ARB2A: variants seen among roughly 807,000 people sequenced by gnomAD.
ARB2A encodes the protein cotranscriptional regulator ARB2A.
the ARB2A span, among the ~76,000 whole-genome samples, chr5:93,827,616 C>T: frequency 6.6e-6 from 1 of 151,900 alleles, no homozygotes; most frequent in East Asian, 1.9e-4. Context: ...TCCCATTTGT[C>T]AATTTTGGCT....
chr5:94,065,578 T>C, the ARB2A span, among the ~76,000 whole-genome samples: 1 of 152,106 alleles, frequency 6.6e-6, no homozygotes, highest in Non-Finnish European at 1.5e-5. Context: ...GGAGTAGCTA[T>C]ATTTATATCA....
chr5:93,921,026 T>C, the ARB2A span, among the ~76,000 whole-genome samples: 207 of 151,908 alleles, frequency 1.4e-3, no homozygotes, highest in South Asian at 2.5e-3. Context: ...CTGGAAGTGC[T>C]CCCAAGAAGC....
the ARB2A span, among the ~76,000 whole-genome samples, chr5:93,817,418 T>TAATCA: frequency 6.6e-6 from 1 of 152,196 alleles, no homozygotes; most frequent in African/African-American, 2.4e-5. Context: ...TTAACCTATT[T>TAATCA]AATCAATCCC....
At chr5:93,925,051 T>C in the ARB2A span, among the ~76,000 whole-genome samples, 1 of 152,092 alleles carries the variant, frequency 6.6e-6, no homozygotes, top group African/African-American at 2.4e-5. Context: ...CTGAAAATTT[T>C]CAAAATTTTC....
the ARB2A span, among the ~76,000 whole-genome samples, chr5:93,922,182 T>C: frequency 6.6e-6 from 1 of 152,146 alleles, no homozygotes; most frequent in Non-Finnish European, 1.5e-5. Context: ...CCTGAAGCAA[T>C]GAATTCCTGC....
chr5:93,971,007 T>C, the ARB2A span, among the ~76,000 whole-genome samples: 1 of 152,076 alleles, frequency 6.6e-6, no homozygotes, highest in African/African-American at 2.4e-5. Context: ...TTCGCTTTTT[T>C]TTTTAATTTG....
chr5:94,062,767 C>T, the ARB2A span, among the ~76,000 whole-genome samples: 1 of 152,162 alleles, frequency 6.6e-6, no homozygotes, highest in Non-Finnish European at 1.5e-5. Flanking sequence ...GCCAACAGCC[C>T]CACATCTCCA....
the ARB2A span, among the ~76,000 whole-genome samples, chr5:94,021,085 T>G: frequency 3.3e-5 from 5 of 152,172 alleles, no homozygotes; most frequent in South Asian, 1.0e-3. Context: ...TATTGGTCAC[T>G]AATTCAAACT....
the ARB2A span, among the ~76,000 whole-genome samples, chr5:93,841,175 G>A: frequency 9.9e-5 from 15 of 152,092 alleles, no homozygotes; most frequent in African/African-American, 3.6e-4. Flanking sequence ...ACTGTGACAT[G>A]TACTGATCTT....
At chr5:93,733,390 G>A in the ARB2A span, 1 of 151,822 alleles carries the variant, frequency 6.6e-6, no homozygotes, top group South Asian at 2.1e-4. Flanking sequence ...TAGTAGAGAT[G>A]GGTTTTTACC....
At chr5:93,817,279 G>A in the ARB2A span, among the ~76,000 whole-genome samples, 2 of 152,108 alleles carry the variant, frequency 1.3e-5, no homozygotes, top group Non-Finnish European at 1.5e-5. Context: ...AAATTTAAGA[G>A]GAGAAGCTTA....
chr5:93,904,173 C>T, the ARB2A span, among the ~76,000 whole-genome samples: 1 of 151,920 alleles, frequency 6.6e-6, no homozygotes, highest in Non-Finnish European at 1.5e-5. Context: ...CATTCATTCA[C>T]GTCAGGGCTA....
chr5:93,830,311 G>GTGTGTGTGTGTATA, the ARB2A span, among the ~76,000 whole-genome samples: 1 of 82,260 alleles, frequency 1.2e-5, no homozygotes, highest in African/African-American at 5.2e-5. Flanking sequence ...GTGTGTGTGT[G>GTGTGTGTGTGTATA]TATATATATA....
At chr5:93,970,234 C>T in the ARB2A span, among the ~76,000 whole-genome samples, 2 of 152,026 alleles carry the variant, frequency 1.3e-5, no homozygotes, top group South Asian at 2.1e-4. Flanking sequence ...CCATACATCA[C>T]CAGTCATACC....
At chr5:93,971,191 GAT>G in the ARB2A span, among the ~76,000 whole-genome samples, 1 of 151,910 alleles carries the variant, frequency 6.6e-6, no homozygotes, top group Admixed American at 6.6e-5. Context: ...GTAGAGACGG[GAT>G]TTCACCCTGT....
the ARB2A span, chr5:93,620,146 A>C: frequency 1.3e-5 from 2 of 152,204 alleles, no homozygotes; most frequent in Non-Finnish European, 2.9e-5. Context: ...TAAAAAGTAA[A>C]GTCAATCCCA....
At chr5:93,830,512 A>T in the ARB2A span, among the ~76,000 whole-genome samples, 1 of 151,596 alleles carries the variant, frequency 6.6e-6, no homozygotes, top group Admixed American at 6.6e-5. Flanking sequence ...ACCTCCTCTG[A>T]TCCTGTTGGA....
chr5:93,723,785 C>A, the ARB2A span, among the ~76,000 whole-genome samples: 1 of 152,040 alleles, frequency 6.6e-6, no homozygotes, highest in African/African-American at 2.4e-5. Context: ...CCTTTTAGAG[C>A]TGTTTTAAGT....
the ARB2A span, among the ~76,000 whole-genome samples, chr5:93,729,550 A>G: frequency 6.6e-6 from 1 of 152,114 alleles, no homozygotes; most frequent in Non-Finnish European, 1.5e-5. Flanking sequence ...GGAGTATTAC[A>G]TATGGTCTAC....
Sources: allele counts gnomAD v4.1 joint callset (sites outside exome capture counted in the v4.1 genomes callset), GRCh38; gene constraint gnomAD v4.1.1; transcripts MANE v1.5; gene names NCBI Gene and HGNC (gene_info 2026-07-23, HGNC 2026-07-21).